TENT5D: variants seen among roughly 807,000 people sequenced by gnomAD.
TENT5D encodes terminal nucleotidyltransferase 5D.
For synonymous variants in TENT5D, 103 were observed against 100.6 expected (o/e 1.02, Z -0.15); for missense variants, 191 against 287.0 (o/e 0.67, Z 2.42).
At chrX:80,356,082 T>C (rs758125059) in intron 3 of TENT5D, among the ~76,000 whole-genome samples, 1 of 112,262 alleles carries the variant, frequency 8.9e-6, no homozygotes, top group Non-Finnish European at 1.9e-5. Flanking sequence ...GGTTTTGTTA[T>C]TACTTTTTTA....
At chrX:80,375,250 C>T (rs1453470185) in intron 3 of TENT5D, among the ~76,000 whole-genome samples, 1 of 111,436 alleles carries the variant, frequency 9.0e-6, no homozygotes, top group Non-Finnish European at 1.9e-5. Flanking sequence ...CATACTCATT[C>T]TCTCTGTTCT....
At chrX:80,397,790 G>A (rs1040729298) in intron 3 of TENT5D, among the ~76,000 whole-genome samples, 8 of 112,424 alleles carry the variant, frequency 7.1e-5, no homozygotes, top group African/African-American at 1.9e-4. Context: ...CAAGTCAGGC[G>A]TGGCGGCGCG....
intron 3 of TENT5D, among the ~76,000 whole-genome samples, chrX:80,378,354 G>T (rs926013160): frequency 9.0e-6 from 1 of 111,619 alleles, no homozygotes; most frequent in African/African-American, 3.3e-5. Flanking sequence ...TTCTTCTAGG[G>T]TTTTTATGGT....
chrX:80,410,962 G>A (rs1252427028), intron 3 of TENT5D, among the ~76,000 whole-genome samples: 1 of 106,115 alleles, frequency 9.4e-6, no homozygotes, highest in African/African-American at 3.5e-5. Flanking sequence ...GATGAAATTG[G>A]AAATCATCAT....
intron 1 of TENT5D, among the ~76,000 whole-genome samples, chrX:80,428,227 G>A (rs967822116): frequency 8.9e-6 from 1 of 111,899 alleles, no homozygotes; most frequent in African/African-American, 3.3e-5. Flanking sequence ...GATCACTCTA[G>A]CAGCAAAGCT....
chrX:80,415,703 T>C (rs999680024), upstream of TENT5D, among the ~76,000 whole-genome samples: 4 of 111,872 alleles, frequency 3.6e-5, no homozygotes, highest in Non-Finnish European at 7.5e-5. Context: ...TGCTGATGTT[T>C]TCATGAGGAT....
At chrX:80,437,400 CT>C (rs761591425) in intron 1 of TENT5D, among the ~76,000 whole-genome samples, 2 of 111,554 alleles carry the variant, frequency 1.8e-5, no homozygotes, top group East Asian at 2.8e-4. Context: ...TAAAGTAATA[CT>C]ACAGGTTTTA....
intron 3 of TENT5D, among the ~76,000 whole-genome samples, chrX:80,383,497 T>A (rs2147533086): frequency 8.9e-6 from 1 of 112,309 alleles, no homozygotes; most frequent in East Asian, 2.8e-4. Flanking sequence ...TACTGATTTT[T>A]AAAAAATCAA....
intron 1 of TENT5D, among the ~76,000 whole-genome samples, chrX:80,432,474 T>C (rs939789341): frequency 3.6e-5 from 4 of 111,969 alleles, no homozygotes; most frequent in African/African-American, 1.3e-4. Flanking sequence ...AGTCACACTA[T>C]TCGTTTTTAA....
At chrX:80,386,250 A>T (rs1931002214) in intron 3 of TENT5D, among the ~76,000 whole-genome samples, 1 of 112,271 alleles carries the variant, frequency 8.9e-6, no homozygotes, top group Admixed American at 9.5e-5. Flanking sequence ...GCCATAAAAA[A>T]GGATGAGTTC....
At chrX:80,407,840 C>T (rs1474605242) in intron 3 of TENT5D, among the ~76,000 whole-genome samples, 1 of 106,816 alleles carries the variant, frequency 9.4e-6, no homozygotes, top group Non-Finnish European at 1.9e-5. Context: ...AAATTGACCA[C>T]ATAGTTGGAA....
chrX:80,412,060 A>G (rs1245472869), intron 3 of TENT5D, among the ~76,000 whole-genome samples: 1 of 112,619 alleles, frequency 8.9e-6, no homozygotes, highest in East Asian at 2.8e-4. Context: ...ATCTTCTAAA[A>G]TCTAGGAGGA....
intron 3 of TENT5D, among the ~76,000 whole-genome samples, chrX:80,386,620 A>C (rs1204155560): frequency 8.9e-6 from 1 of 111,852 alleles, no homozygotes; most frequent in Non-Finnish European, 1.9e-5. Context: ...TTCACTTCAA[A>C]TTTTAGTTGT....
rs903119591 is a variant in TENT5D, at chrX:80,424,080, T to C, written c.-142+3517T>C. Among the ~76,000 whole-genome samples the C allele has an allele frequency of 5.4e-5, 6 of 110,645 alleles. 1 individual carries two copies. The highest frequency in any genetic ancestry group is 2.9e-4 in the East Asian group (1 of 3,497). ...TAACTGCTGTTAGGGAGATTAAGCG[T>C]TGATTTTTTTTTTTTAGCTACTTTT... On this transcript the variant is annotated intron_variant, in intron 1 of 2. Coordinates refer to ENST00000308293, the Ensembl canonical transcript of TENT5D.
At chrX:80,358,976 A>G (rs185757077) in intron 3 of TENT5D, among the ~76,000 whole-genome samples, 2 of 112,322 alleles carry the variant, frequency 1.8e-5, no homozygotes, top group Admixed American at 9.5e-5. Context: ...GATCAAATAC[A>G]CAGAAGTAAA....
chrX:80,419,929 A>G (rs1931852222), upstream of TENT5D, among the ~76,000 whole-genome samples: 1 of 111,565 alleles, frequency 9.0e-6, no homozygotes, highest in Admixed American at 9.5e-5. Context: ...TGCCCAGGCT[A>G]GTCTTGAACT....
At chrX:80,352,677 C>T (rs774748294) in intron 3 of TENT5D, among the ~76,000 whole-genome samples, 21 of 95,969 alleles carry the variant, frequency 2.2e-4, no homozygotes, top group Non-Finnish European at 3.8e-4. Context: ...ATGCTTCTGT[C>T]TCTATGGGGT....
At chrX:80,438,058 T>A (rs1278756652) in intron 1 of TENT5D, among the ~76,000 whole-genome samples, 2 of 111,530 alleles carry the variant, frequency 1.8e-5, no homozygotes, top group African/African-American at 6.5e-5. Flanking sequence ...TTCACTTTGA[T>A]TAGAATTTTC....
At chrX:80,400,918 A>G (rs1602208598) in intron 3 of TENT5D, among the ~76,000 whole-genome samples, 1 of 111,491 alleles carries the variant, frequency 9.0e-6, no homozygotes, top group East Asian at 2.8e-4. Flanking sequence ...GTGGCTCCAT[A>G]TTAATTTTCG....
Sources: gnomAD v4.1 joint callset for allele counts (sites outside exome capture counted in the v4.1 genomes callset) on GRCh38, gnomAD v4.1.1 for gene constraint, MANE v1.5 for transcripts, NCBI Gene and HGNC (gene_info 2026-07-23, HGNC 2026-07-21) for gene names.